Variants in YWHAQ observed in about 807,000 individuals in gnomAD.
YWHAQ encodes the protein 14-3-3 protein theta.
In YWHAQ, 6 loss-of-function variants were observed where a neutral mutation model predicts 28.3. The observed-to-expected ratio is 0.21, with a 90% CI of 0.12 to 0.42. The LOEUF (loss-of-function observed/expected upper bound fraction) is 0.42. YWHAQ is among the 10% of genes least tolerant of loss of function. The pLI, the probability that YWHAQ is intolerant of heterozygous loss-of-function variation, is 1.00. For synonymous variants in YWHAQ, 143 were observed against 119.1 expected (o/e 1.20, Z -1.31); for missense variants, 201 against 305.6 (o/e 0.66, Z 2.55).
Position 9,584,077 on chromosome 2 carries a change from C to CT in YWHAQ, c.*1208dup, listed in dbSNP as rs753719464. 1 of 152,422 alleles carries CT rather than the reference C, an allele frequency of 6.6e-6. No individual in the cohort carries two copies. The highest frequency in any genetic ancestry group is 1.5e-5 in the Non-Finnish European group (1 of 68,046). 9.4% of individuals were successfully genotyped at this position (152,422 alleles called of 1,614,324 possible). On this transcript the variant is annotated 3_prime_UTR_variant, in exon 6 of 6. Transcript: ENST00000238081. ...TGAGACTGATCTATAGTAAAACACTCTAAGAAATGCAGTCCAATTTTATAC... is the reference window on the plus strand; with the variant it reads ...TGAGACTGATCTATAGTAAAACACTCTTAAGAAATGCAGTCCAATTTTATAC...
In YWHAQ at chr2:9,588,541, TG is replaced by T. The variant is rs982405762; in HGVS notation, c.419-214del. Among the ~76,000 whole-genome samples, 13 of 151,392 alleles carry T rather than the reference TG, an allele frequency of 8.6e-5. 1 individual carries two copies. Among genetic ancestry groups the T allele is most frequent in the Admixed American group, 6.6e-4 (10 of 15,186 alleles). ...ATCCCAGCACTTTGGGAGGCCGAGG[TG>T]GGTGGATCACTTGAGATCAGGAGTT... On this transcript the variant is annotated intron_variant, in intron 3 of 5. Transcript: ENST00000238081.
intron 2 of YWHAQ, among the ~76,000 whole-genome samples, chr2:9,624,368 A>G (rs550389026): frequency 9.2e-5 from 14 of 152,358 alleles, no homozygotes; most frequent in African/African-American, 3.4e-4. Flanking sequence ...GACAAGGGGA[A>G]AAATGACAAG....
intron 2 of YWHAQ, among the ~76,000 whole-genome samples, chr2:9,607,161 G>A (rs1320322113): frequency 6.0e-5 from 9 of 151,232 alleles, no homozygotes; most frequent in Non-Finnish European, 1.0e-4. Flanking sequence ...GATTACAGGC[G>A]TGAGCCACAC....
intron 2 of YWHAQ, among the ~76,000 whole-genome samples, chr2:9,617,743 C>A (rs78291372): frequency 1.3e-5 from 2 of 151,758 alleles, no homozygotes; most frequent in East Asian, 3.9e-4. Context: ...TTGAGACCAG[C>A]GTGGACAACA....
intron 2 of YWHAQ, among the ~76,000 whole-genome samples, chr2:9,613,951 G>C (rs2125070751): frequency 6.6e-6 from 1 of 152,288 alleles, no homozygotes; most frequent in East Asian, 1.9e-4. Context: ...ATAAAGTAAG[G>C]GTATGGGTGA....
At chr2:9,627,203 G>T (rs376894790) in intron 2 of YWHAQ, among the ~76,000 whole-genome samples, 3 of 152,298 alleles carry the variant, frequency 2.0e-5, no homozygotes, top group African/African-American at 7.2e-5. Context: ...CATGGTTTAA[G>T]TAATTCTGCC....
At chr2:9,595,698 CAAA>C (rs34902007) in intron 2 of YWHAQ, among the ~76,000 whole-genome samples, 69 of 75,442 alleles carry the variant, frequency 9.1e-4, no homozygotes, top group African/African-American at 2.5e-3. Context: ...AATTCCATCT[CAAA>C]AAAAAAAAAA....
intron 2 of YWHAQ, among the ~76,000 whole-genome samples, chr2:9,621,978 T>G (rs921207460): frequency 1.3e-5 from 2 of 151,474 alleles, no homozygotes; most frequent in Non-Finnish European, 2.9e-5. Flanking sequence ...CAAGTGGGAG[T>G]TGAACAATGA....
chr2:9,620,899 A>G (rs1316684345), intron 2 of YWHAQ, among the ~76,000 whole-genome samples: 18 of 152,342 alleles, frequency 1.2e-4, no homozygotes. Flanking sequence ...AAATTCTCGT[A>G]GAACAGCAGT....
intron 2 of YWHAQ, among the ~76,000 whole-genome samples, chr2:9,593,115 T>C (rs952895630): frequency 2.6e-5 from 4 of 152,142 alleles, no homozygotes. Flanking sequence ...CAAATTCACA[T>C]AACTGCTAAA....
Position 9,622,441 on chromosome 2 carries a change from T to C in YWHAQ, c.294+7718A>G, listed in dbSNP as rs77489580. ...TTAATGCTGAATAGTATTCCATTTA[T>C]GAATACATCAGTGTTTATCAATTTT... On this transcript the variant is annotated intron_variant, in intron 2 of 5. Transcript: ENST00000238081. Among the ~76,000 whole-genome samples, 428 of 152,352 alleles carry C rather than the reference T, an allele frequency of 2.8e-3. 12 individuals are homozygous for C. The East Asian group carries it at 0.057, about 20-fold the overall frequency.
intron 2 of YWHAQ, among the ~76,000 whole-genome samples, chr2:9,623,352 A>T (rs915379654): frequency 2.0e-5 from 3 of 152,232 alleles, no homozygotes; most frequent in Admixed American, 6.5e-5. Context: ...AAAAAACCGC[A>T]CATCTTTTGA....
At chr2:9,626,825 C>A (rs1331639237) in intron 2 of YWHAQ, among the ~76,000 whole-genome samples, 3 of 152,208 alleles carry the variant, frequency 2.0e-5, no homozygotes, top group Non-Finnish European at 2.9e-5. Flanking sequence ...AGCCATTTCC[C>A]TAAAGTCACC....
chr2:9,609,057 G>C (rs1666893174), intron 2 of YWHAQ, among the ~76,000 whole-genome samples: 1 of 152,226 alleles, frequency 6.6e-6, no homozygotes, highest in Non-Finnish European at 1.5e-5. Flanking sequence ...CTTTAAAACT[G>C]TGTATAATAA....
intron 2 of YWHAQ, among the ~76,000 whole-genome samples, chr2:9,629,921 A>G (rs13417081): frequency 0.57 from 86,918 of 151,860 alleles, 25,590 homozygotes; most frequent in Non-Finnish European, 0.65. Flanking sequence ...TCCAAGTTCC[A>G]TCGTTTGGTA....
chr2:9,587,652 C>T (rs1176523236), intron 4 of YWHAQ, 143 bp from the exon 5 acceptor site: 2 of 636,574 alleles, frequency 3.1e-6, no homozygotes, highest in Admixed American at 6.4e-5. Context: ...TTCTCTCACA[C>T]TCCCAGTTTA....
At chr2:9,615,780 A>C (rs188638974) in intron 2 of YWHAQ, among the ~76,000 whole-genome samples, 1 of 152,314 alleles carries the variant, frequency 6.6e-6, no homozygotes, top group East Asian at 1.9e-4. Context: ...CCTGTAAAGG[A>C]GGGCTCTACA....
intron 2 of YWHAQ, among the ~76,000 whole-genome samples, chr2:9,601,025 CTG>C (rs1487529885): frequency 1.3e-5 from 2 of 152,218 alleles, no homozygotes; most frequent in Non-Finnish European, 2.9e-5. Flanking sequence ...CCAAAAATTT[CTG>C]TGACTTGCTT....
At chr2:9,597,432 G>C (rs140501499) in intron 2 of YWHAQ, among the ~76,000 whole-genome samples, 2,687 of 152,170 alleles carry the variant, frequency 0.018, 42 homozygotes, top group Middle Eastern at 0.034. Context: ...CGGATCACGA[G>C]GTCAGGAGTT....
Sources: gnomAD v4.1 joint callset for allele counts (sites outside exome capture counted in the v4.1 genomes callset) on GRCh38, gnomAD v4.1.1 for gene constraint, MANE v1.5 for transcripts, NCBI Gene and HGNC (gene_info 2026-07-23, HGNC 2026-07-21) for gene names.